The following SEZ6L variants were observed in gnomAD, a reference collection of about 807,000 sequenced individuals.
SEZ6L encodes the protein seizure related 6 homolog like.
SEZ6L carries 37 observed loss-of-function variants against 106.2 expected under a neutral mutation model. The ratio of observed to expected loss-of-function variants is 0.35; its 90% confidence interval spans 0.27 to 0.46. SEZ6L has a LOEUF of 0.46. SEZ6L is among the 20% of genes least tolerant of loss of function. The pLI is 1.00. For missense variants in SEZ6L, 1,172 were observed against 1,332.8 expected, an observed-to-expected ratio of 0.88 and a Z score of 1.88; for synonymous variants, 541 against 570.4, an observed-to-expected ratio of 0.95 and a Z score of 0.73.
chr22:26,351,548 G>GTTTGTTGGTTTGTTT (rs1569475128), intron 12 of SEZ6L: 46 of 224,472 alleles, frequency 2.0e-4, no homozygotes, highest in African/African-American at 1.1e-3. Context: ...TTTGTTTGTT[G>GTTTGTTGGTTTGTTT]GTTGGTTGGT....
At chr22:26,190,269 A>G (rs915295557) in intron 1 of SEZ6L, among the ~76,000 whole-genome samples, 7 of 152,204 alleles carry the variant, frequency 4.6e-5, no homozygotes, top group Non-Finnish European at 8.8e-5. Context: ...ACAAGTTGTC[A>G]TATGTGTAAA....
intron 1 of SEZ6L, chr22:26,241,537 T>C (rs1219820588): frequency 6.6e-6 from 1 of 152,164 alleles, no homozygotes; most frequent in African/African-American, 2.4e-5. Context: ...CCACTGAAAA[T>C]GTATTGTTGC....
intron 12 of SEZ6L, among the ~76,000 whole-genome samples, chr22:26,362,137 C>G (rs1282923350): frequency 6.6e-6 from 1 of 152,202 alleles, no homozygotes; most frequent in Admixed American, 6.5e-5. Context: ...CTTGCCAGCC[C>G]TCTTAGGTCT....
intron 1 of SEZ6L, among the ~76,000 whole-genome samples, chr22:26,277,416 C>A (rs942381637): frequency 6.6e-6 from 1 of 152,180 alleles, no homozygotes; most frequent in Non-Finnish European, 1.5e-5. Context: ...TGGCAAAAAT[C>A]CCTGCTCCAT....
intron 5 of SEZ6L, among the ~76,000 whole-genome samples, chr22:26,301,986 T>C (rs1289866195): frequency 1.3e-5 from 2 of 152,188 alleles, no homozygotes; most frequent in Middle Eastern, 6.3e-3. Flanking sequence ...TTCTGACTTC[T>C]ATTTGGCAAA....
At chr22:26,334,965 G>A (rs1021513174) in intron 9 of SEZ6L, among the ~76,000 whole-genome samples, 5 of 152,098 alleles carry the variant, frequency 3.3e-5, no homozygotes, top group African/African-American at 1.2e-4. Context: ...TTTTCCTAGC[G>A]CCTCCTTGGA....
chr22:26,347,733 G>A lies in SEZ6L; in HGVS notation c.2227G>A (p.Asp743Asn). 2 of 1,604,800 alleles carry A rather than the reference G, an allele frequency of 1.2e-6. No homozygotes were observed. Among genetic ancestry groups the A allele is most frequent in the East Asian group, 2.3e-5 (1 of 44,060 alleles). ...CTCTTTTAAAGAGGTATCAAGGAAT[G>A]ACTCCTGCTCGGATTTACCCGAGAT... is the stretch of plus-strand genomic sequence containing the variant. ...IMNYIEVSRN[D>N]SCSDLPEIQN... is the part of the protein sequence containing the mutation. The change falls in exon 11 of 17, where the codon GAC becomes AAC. Residue 743 changes from aspartate (D) to asparagine (N), a missense_variant. Coordinates refer to ENST00000248933, the MANE Select transcript of SEZ6L (RefSeq NM_021115.5).
At chr22:26,359,281 TCC>T (rs1348086792) in intron 12 of SEZ6L, among the ~76,000 whole-genome samples, 1 of 152,074 alleles carries the variant, frequency 6.6e-6, no homozygotes, top group Non-Finnish European at 1.5e-5. Flanking sequence ...AGCTAGAGAA[TCC>T]TCAGCTCAAA....
At chr22:26,327,289 C>A (rs1485037062) in intron 9 of SEZ6L, among the ~76,000 whole-genome samples, 9 of 148,922 alleles carry the variant, frequency 6.0e-5, no homozygotes, top group African/African-American at 2.2e-4. Context: ...CACCACCCCA[C>A]ACATACCACA....
At chr22:26,343,094 G>A (rs1307751625) in intron 10 of SEZ6L, among the ~76,000 whole-genome samples, 2 of 152,016 alleles carry the variant, frequency 1.3e-5, no homozygotes, top group East Asian at 1.9e-4. Flanking sequence ...TGGGTTCCCC[G>A]CTCTTTTCTG....
intron 12 of SEZ6L, among the ~76,000 whole-genome samples, chr22:26,363,130 C>A (rs955106953): frequency 6.6e-6 from 1 of 152,316 alleles, no homozygotes; most frequent in Admixed American, 6.5e-5. Flanking sequence ...TGCCATGTAA[C>A]AATGTGAACC....
chr22:26,313,647 T>A (rs1035402243), intron 8 of SEZ6L, 117 bp from the exon 9 acceptor site: 1 of 1,225,338 alleles, frequency 8.2e-7, no homozygotes. Flanking sequence ...AAGACACCTG[T>A]CCACAGTACA....
At chr22:26,370,853 A>T (rs1444174919) in intron 13 of SEZ6L, among the ~76,000 whole-genome samples, 2 of 152,022 alleles carry the variant, frequency 1.3e-5, no homozygotes, top group Admixed American at 1.3e-4. Flanking sequence ...AAAATCAAAA[A>T]ATTAGCGGGG....
chr22:26,195,009 C>A (rs569124030), intron 1 of SEZ6L, among the ~76,000 whole-genome samples: 1 of 152,278 alleles, frequency 6.6e-6, no homozygotes, highest in East Asian at 1.9e-4. Flanking sequence ...CTGGACAGGA[C>A]ATAAAGAAAT....
chr22:26,181,489 A>G (rs1224718829), intron 1 of SEZ6L, among the ~76,000 whole-genome samples: 1 of 152,226 alleles, frequency 6.6e-6, no homozygotes, highest in Non-Finnish European at 1.5e-5. Context: ...GTAAAAAATG[A>G]TATGCCAGGT....
intron 1 of SEZ6L, among the ~76,000 whole-genome samples, chr22:26,228,459 C>T (rs2078700828): frequency 6.6e-6 from 1 of 152,132 alleles, no homozygotes; most frequent in Non-Finnish European, 1.5e-5. Context: ...TCACTCCACA[C>T]GTTTTTACTG....
chr22:26,375,037 A>G (rs1385412049), intron 14 of SEZ6L, among the ~76,000 whole-genome samples: 5 of 152,160 alleles, frequency 3.3e-5, no homozygotes, highest in Admixed American at 2.6e-4. Context: ...GTCAGTCTGC[A>G]TGCAACAAGC....
intron 1 of SEZ6L, among the ~76,000 whole-genome samples, chr22:26,246,075 G>A (rs1010426331): frequency 1.3e-5 from 2 of 152,186 alleles, no homozygotes; most frequent in African/African-American, 4.8e-5. Flanking sequence ...AGACAGGATT[G>A]CTTGTGGGTG....
At chr22:26,347,125 G>T (rs143741844) in intron 10 of SEZ6L, among the ~76,000 whole-genome samples, 1 of 151,924 alleles carries the variant, frequency 6.6e-6, no homozygotes, top group Non-Finnish European at 1.5e-5. Flanking sequence ...GAGCCCAGGA[G>T]TTTGAGGCTG....
Sources: gnomAD v4.1 joint callset for allele counts (sites outside exome capture counted in the v4.1 genomes callset) on GRCh38, gnomAD v4.1.1 for gene constraint, MANE v1.5 for transcripts, NCBI Gene and HGNC (gene_info 2026-07-23, HGNC 2026-07-21) for gene names.